ASPRV1: variants seen among roughly 807,000 people sequenced by gnomAD.
The protein encoded by ASPRV1 is retroviral-like aspartic protease 1.
ASPRV1 carries 7 observed loss-of-function variants against 11.0 expected under a neutral mutation model. The ratio of observed to expected loss-of-function variants is 0.64; its 90% CI spans 0.36 to 1.20. The LOEUF (loss-of-function observed/expected upper bound fraction) is 1.20, where lower values mean the gene tolerates loss of function less well. ASPRV1 is among the 50% of genes most tolerant of loss of function. The pLI is 0.02. For missense variants in ASPRV1, 299 were observed against 320.0 expected, an observed-to-expected ratio of 0.93 and a Z score of 0.50; for synonymous variants, 136 against 138.4, an observed-to-expected ratio of 0.98 and a Z score of 0.12.
At chr2:70,000,767 C>A in the ASPRV1 span, among the ~76,000 whole-genome samples, 1 of 95,866 alleles carries the variant, frequency 1.0e-5, no homozygotes, top group African/African-American at 4.2e-5. Flanking sequence ...CCAGCCTGGG[C>A]AACAGAGCAA....
the ASPRV1 span, among the ~76,000 whole-genome samples, chr2:69,990,717 A>C: frequency 1.3e-5 from 2 of 152,132 alleles, no homozygotes; most frequent in Non-Finnish European, 2.9e-5. Flanking sequence ...GGCCTCCCAA[A>C]GTGCAGGGAT....
chr2:70,084,359 A>G, the ASPRV1 span, among the ~76,000 whole-genome samples: 1 of 152,194 alleles, frequency 6.6e-6, no homozygotes, highest in East Asian at 1.9e-4. Flanking sequence ...TCCCTCATCT[A>G]TTCTGTCTCC....
At chr2:70,009,386 G>A in the ASPRV1 span, among the ~76,000 whole-genome samples, 2 of 151,950 alleles carry the variant, frequency 1.3e-5, no homozygotes, top group Admixed American at 1.3e-4. Context: ...CTGGAGTGCA[G>A]TGGCACGATC....
At chr2:69,968,663 GT>G in the ASPRV1 span, 1 of 152,362 alleles carries the variant, frequency 6.6e-6, no homozygotes, top group African/African-American at 2.4e-5. Context: ...ATTTCCCATA[GT>G]AAAAAGTAAA....
chr2:70,041,668 G>A, the ASPRV1 span, among the ~76,000 whole-genome samples: 3 of 152,314 alleles, frequency 2.0e-5, no homozygotes, highest in African/African-American at 7.2e-5. Flanking sequence ...TCCCAGAGTA[G>A]AAGGAAGGGT....
chr2:69,934,199 C>G, the ASPRV1 span, among the ~76,000 whole-genome samples: 127 of 152,288 alleles, frequency 8.3e-4, no homozygotes, highest in East Asian at 0.014. Flanking sequence ...CAGTGAACTT[C>G]CCAGTGAATA....
At chr2:70,021,015 T>C in the ASPRV1 span, among the ~76,000 whole-genome samples, 1 of 152,216 alleles carries the variant, frequency 6.6e-6, no homozygotes. Context: ...CCACAGCTTT[T>C]TAAATTTTTA....
the ASPRV1 span, among the ~76,000 whole-genome samples, chr2:70,013,154 T>A: frequency 3.9e-5 from 6 of 152,358 alleles, no homozygotes; most frequent in Non-Finnish European, 5.9e-5. Flanking sequence ...GAACCATCAT[T>A]TTCAAAATGA....
upstream of ASPRV1, chr2:69,963,461 C>T (rs1169776710): frequency 6.6e-6 from 3 of 456,534 alleles, no homozygotes; most frequent in South Asian, 3.1e-5. Flanking sequence ...CAGTGGTTTC[C>T]TGATTCCCTG....
the ASPRV1 span, chr2:70,030,597 A>C: frequency 6.6e-6 from 1 of 152,216 alleles, no homozygotes; most frequent in African/African-American, 2.4e-5. Flanking sequence ...CTTTCCAGAC[A>C]TTAGGCCAGA....
At chr2:69,995,931 G>T in the ASPRV1 span, among the ~76,000 whole-genome samples, 2 of 152,118 alleles carry the variant, frequency 1.3e-5, 1 homozygote, top group Non-Finnish European at 2.9e-5. Context: ...ATCATCCTTA[G>T]TTAAGAACCA....
chr2:69,955,839 G>A (rs2104257836), downstream of ASPRV1, among the ~76,000 whole-genome samples: 1 of 152,314 alleles, frequency 6.6e-6, no homozygotes, highest in South Asian at 2.1e-4. Flanking sequence ...AATAGAGAGA[G>A]GGAGAGAGAG....
the ASPRV1 span, chr2:69,937,530 G>A: frequency 3.8e-6 from 3 of 790,298 alleles, no homozygotes; most frequent in Non-Finnish European, 5.8e-6. Context: ...CGAACAGTGT[G>A]ACCTCCAGTG....
chr2:70,065,390 CAAA>C, the ASPRV1 span, among the ~76,000 whole-genome samples: 1 of 52,734 alleles, frequency 1.9e-5, no homozygotes, highest in Non-Finnish European at 3.9e-5. Context: ...GACACCATCT[CAAA>C]AAAAAAAAAA....
chr2:69,982,292 A>T, the ASPRV1 span, among the ~76,000 whole-genome samples: 1 of 100,028 alleles, frequency 1.0e-5, no homozygotes, highest in African/African-American at 4.9e-5. Flanking sequence ...CATCCCTACT[A>T]AAAAAAAAAA....
the ASPRV1 span, chr2:70,045,564 ACT>A: frequency 1.3e-5 from 2 of 152,196 alleles, no homozygotes; most frequent in East Asian, 1.9e-4. Context: ...ATCTAATCAC[ACT>A]GTTAAAAGGA....
At chr2:69,954,875 G>T in the ASPRV1 span, among the ~76,000 whole-genome samples, 2 of 152,156 alleles carry the variant, frequency 1.3e-5, no homozygotes, top group East Asian at 3.9e-4. Context: ...CCTTCCTAGT[G>T]CAGGGAGAGG....
At chr2:70,042,173 T>C in the ASPRV1 span, among the ~76,000 whole-genome samples, 2 of 152,184 alleles carry the variant, frequency 1.3e-5, no homozygotes, top group Non-Finnish European at 2.9e-5. Flanking sequence ...AGTTTTATAA[T>C]GCATATTAAA....
At chr2:69,969,325 C>T in the ASPRV1 span, among the ~76,000 whole-genome samples, 8,854 of 152,248 alleles carry the variant, frequency 0.058, 885 homozygotes, top group African/African-American at 0.2. Context: ...CAAAGCCTCA[C>T]CGCCCTCTGC....
Sources: allele counts gnomAD v4.1 joint callset (sites outside exome capture counted in the v4.1 genomes callset), GRCh38; gene constraint gnomAD v4.1.1; transcripts MANE v1.5; gene names NCBI Gene and HGNC (gene_info 2026-07-23, HGNC 2026-07-21).